Variants in XDH observed in about 807,000 individuals in gnomAD.
XDH encodes the protein xanthine dehydrogenase/oxidase.
XDH carries 138 observed loss-of-function variants against 156.1 expected under a neutral mutation model. The observed-to-expected ratio is 0.88, with a 90% CI of 0.77 to 1.02. XDH has a LOEUF of 1.02. XDH is among the 50% of genes least tolerant of loss of function. The pLI is 0.00. For synonymous variants in XDH, 669 were observed against 625.7 expected, an observed-to-expected ratio of 1.07 and a Z score of -1.03; for missense variants, 1,849 against 1,684.9, an observed-to-expected ratio of 1.10 and a Z score of -1.71.
intron 16 of XDH, 80 bp from the exon 17 acceptor site, chr2:31,372,477 T>G: frequency 6.3e-7 from 1 of 1,592,020 alleles, no homozygotes; most frequent in African/African-American, 1.3e-5. Context: ...CTGGTGAGCT[T>G]CATGCTACAT....
intron 1 of XDH, among the ~76,000 whole-genome samples, chr2:31,406,395 C>CATGGCT (rs1687192419): frequency 6.6e-6 from 1 of 152,182 alleles, no homozygotes; most frequent in Non-Finnish European, 1.5e-5. Context: ...GCCTGCAGAA[C>CATGGCT]TGTGAGCCAA....
Position 31,383,168 on chromosome 2 carries a change from C to T in XDH, c.887-16G>A, listed in dbSNP as rs771774507. 64 of 1,614,002 alleles carry T rather than the reference C, an allele frequency of 4.0e-5. No homozygotes were observed. The highest frequency in any genetic ancestry group is 2.0e-4 in the East Asian group (9 of 44,880). On this transcript the variant is annotated splice_polypyrimidine_tract_variant and intron_variant, in intron 10 of 35. Transcript: ENST00000379416. ...AAGGAGATACCTGGGAACGCACGTTCGGAATCACAGCAATTCTTCCCACAG... is the reference window on the plus strand; with the variant it reads ...AAGGAGATACCTGGGAACGCACGTTTGGAATCACAGCAATTCTTCCCACAG...
At chr2:31,406,173 G>A (rs1426350712) in intron 1 of XDH, among the ~76,000 whole-genome samples, 1 of 152,114 alleles carries the variant, frequency 6.6e-6, no homozygotes, top group Non-Finnish European at 1.5e-5. Flanking sequence ...GATCATGGGG[G>A]CAGATTTCTC....
intron 4 of XDH, among the ~76,000 whole-genome samples, chr2:31,400,269 C>T (rs572236072): frequency 2.3e-4 from 33 of 142,652 alleles, no homozygotes; most frequent in Non-Finnish European, 4.2e-4. Flanking sequence ...GATGGAGTCT[C>T]ACTCTGTCGC....
intron 27 of XDH, 47 bp downstream of exon 27, chr2:31,348,852 G>C: frequency 6.5e-7 from 1 of 1,536,662 alleles, no homozygotes; most frequent in Non-Finnish European, 9.0e-7. Flanking sequence ...ACAGGGAAAT[G>C]GGGTCCCAGT....
At chr2:31,411,952 T>A (rs1444755057) in intron 1 of XDH, among the ~76,000 whole-genome samples, 2 of 133,274 alleles carry the variant, frequency 1.5e-5, no homozygotes, top group African/African-American at 5.5e-5. Flanking sequence ...AAGTGAATGA[T>A]GAGTAAGTGA....
chr2:31,355,683 C>A (rs1045363557), intron 24 of XDH, among the ~76,000 whole-genome samples: 6 of 151,846 alleles, frequency 4.0e-5, no homozygotes, highest in African/African-American at 1.4e-4. Flanking sequence ...AGTAACCCAC[C>A]CACAGCAAGG....
chr2:31,403,183 A>C, intron 2 of XDH, 39 bp from the exon 3 acceptor site: 1 of 1,607,002 alleles, frequency 6.2e-7, no homozygotes, highest in Non-Finnish European at 8.5e-7. Flanking sequence ...ACTCAGGGAG[A>C]GGAGTCTGCT....
intron 16 of XDH, among the ~76,000 whole-genome samples, chr2:31,373,671 A>T (rs893630421): frequency 6.6e-6 from 1 of 152,104 alleles, no homozygotes; most frequent in Non-Finnish European, 1.5e-5. Flanking sequence ...CCAAAGAGAG[A>T]AATTTAGGCA....
At chr2:31,358,340 AAAG>A (rs1685681403) in intron 24 of XDH, among the ~76,000 whole-genome samples, 1 of 152,284 alleles carries the variant, frequency 6.6e-6, no homozygotes, top group East Asian at 1.9e-4. Flanking sequence ...CCAAACATTT[AAAG>A]AAGAATTAAC....
intron 35 of XDH, 96 bp downstream of exon 35, chr2:31,337,545 G>A: frequency 6.3e-7 from 1 of 1,577,662 alleles, no homozygotes; most frequent in Non-Finnish European, 8.7e-7. Context: ...TTAGGAGAGA[G>A]CCCAACACCT....
At chr2:31,359,254 AG>A (rs1685710683) in intron 24 of XDH, among the ~76,000 whole-genome samples, 1 of 152,192 alleles carries the variant, frequency 6.6e-6, no homozygotes, top group African/African-American at 2.4e-5. Flanking sequence ...AAAAATCAAT[AG>A]AAATTAGGTA....
At chr2:31,355,169 T>A (rs969637484) in intron 24 of XDH, among the ~76,000 whole-genome samples, 2 of 152,046 alleles carry the variant, frequency 1.3e-5, no homozygotes, top group African/African-American at 4.8e-5. Context: ...AACTCAAAAC[T>A]TAATGCCCAG....
At chr2:31,383,700 A>T in intron 10 of XDH, 55 bp downstream of exon 10, 3 of 1,553,504 alleles carry the variant, frequency 1.9e-6, no homozygotes, top group Non-Finnish European at 1.8e-6. Flanking sequence ...CCCACCTTGT[A>T]ACCTATCCCC....
In XDH at chr2:31,377,895, C is replaced by G. The variant is rs187673094; in HGVS notation, c.1243-658G>C. 4.3e-3 allele frequency among the ~76,000 whole-genome samples: 652 copies of G among 151,416 alleles called. 8 individuals are homozygous for G. Among genetic ancestry groups the G allele is most frequent in the African/African-American group, 0.015 (632 of 41,206 alleles). ...AATTAGCCAGGTGTGGTGGTGCACA[C>G]CTGTGGTCTCGGCTACTTGGGAGGG... On this transcript the variant is annotated intron_variant, in intron 13 of 35. Transcript: ENST00000379416.
Position 31,342,290 on chromosome 2 carries a change from TG to T in XDH, c.3411del (p.Asn1138IlefsTer26). On this transcript the variant is annotated frameshift_variant, in exon 32 of 36. Coordinates refer to ENST00000379416, the MANE Select transcript of XDH (RefSeq NM_000379.4). LOFTEE classifies it high-confidence loss of function. ...SLSATGFYRT[P>X]NLGYSFETNS... is the part of the protein sequence containing the mutation. ...TTAGTCTCAAAGCTGTAGCCCAGATTGGGTGTTCTGGGAGAGGAAAGAGAAG... is the reference window on the plus strand; with the variant it reads ...TTAGTCTCAAAGCTGTAGCCCAGATTGGTGTTCTGGGAGAGGAAAGAGAAG... The T allele has an allele frequency of 6.2e-7, 1 of 1,613,786 alleles. No homozygotes were observed. Among genetic ancestry groups the T allele is most frequent in the Non-Finnish European group, 8.5e-7 (1 of 1,179,808 alleles).
At chr2:31,350,668 C>T (rs958786880) in intron 24 of XDH, among the ~76,000 whole-genome samples, 1 of 152,154 alleles carries the variant, frequency 6.6e-6, no homozygotes, top group Non-Finnish European at 1.5e-5. Flanking sequence ...GCCCAGCCTG[C>T]GGCAGCATCT....
chr2:31,382,397 A>G (rs543713433), intron 11 of XDH, among the ~76,000 whole-genome samples: 2 of 152,174 alleles, frequency 1.3e-5, no homozygotes, highest in Non-Finnish European at 2.9e-5. Flanking sequence ...ATTTAAAAAA[A>G]CAATTTAAAA....
At chr2:31,357,602 T>C (rs916015532) in intron 24 of XDH, among the ~76,000 whole-genome samples, 1 of 151,950 alleles carries the variant, frequency 6.6e-6, no homozygotes, top group African/African-American at 2.4e-5. Context: ...TATAAAAATA[T>C]AGTTAGAATG....
Sources: gnomAD v4.1 joint callset for allele counts (sites outside exome capture counted in the v4.1 genomes callset) on GRCh38, gnomAD v4.1.1 for gene constraint, MANE v1.5 for transcripts, NCBI Gene and HGNC (gene_info 2026-07-23, HGNC 2026-07-21) for gene names.